The following AP5M1 variants were observed in gnomAD, a reference collection of about 807,000 sequenced individuals.
AP5M1 encodes adaptor related protein complex 5 subunit mu 1, also known as AP-5 complex subunit mu-1.
Under a neutral mutation model 52.3 loss-of-function variants are expected in AP5M1, and 44 were observed. The ratio of observed to expected loss-of-function variants is 0.84; its 90% CI spans 0.66 to 1.08. The LOEUF (loss-of-function observed/expected upper bound fraction) is 1.08. AP5M1 is among the 50% of genes least tolerant of loss of function. The pLI, the probability that AP5M1 is intolerant of heterozygous loss-of-function variation, is 0.00. For synonymous variants in AP5M1, 213 were observed against 199.0 expected (o/e 1.07, Z -0.59); for missense variants, 526 against 568.4 (o/e 0.93, Z 0.76).
At position 57,282,938 on chromosome 14, in the gene AP5M1, C is replaced by G. The variant is rs1463724867; in HGVS notation, c.1093C>G (p.Pro365Ala). ...EAHIPFYNRGPITHLEYKTSF... is the reference protein window; with the variant it reads ...EAHIPFYNRGAITHLEYKTSF... The stretch of plus-strand genomic sequence containing the variant: ...TTTATCCTTTTCTTTTTAAAGAGGT[C>G]CAATTACACATTTGGAATACAAAAC... The change falls in exon 5 of 8, where the codon CCA becomes GCA. Residue 365 changes from proline to alanine, a missense_variant. Around this residue, in one of 3 missense-constraint regions of AP5M1, gnomAD observed 425 missense variants for 430.6 expected, o/e 0.99. Coordinates refer to ENST00000261558, the MANE Select transcript of AP5M1 (RefSeq NM_018229.4). 1.3e-6 allele frequency: 2 copies of G among 1,575,356 alleles called. No individual in the cohort carries two copies. The highest frequency in any genetic ancestry group is 2.7e-5 in the African/African-American group (2 of 73,092).
At position 57,289,495 on chromosome 14, in the gene AP5M1, A is replaced by G. The variant is rs1885390650; in HGVS notation, c.*611A>G. ...CTTAATCAGAACTATCCTATTGACT[A>G]ATAAATAATCTGCATAATTCTACTT... On this transcript the variant is annotated 3_prime_UTR_variant, in exon 8 of 8. Transcript: ENST00000261558. 1 of 151,988 alleles carries G rather than the reference A, an allele frequency of 6.6e-6. No homozygotes were observed. The allele number at this position is 151,988 out of a possible 1,614,324, so 9.4% of individuals were successfully genotyped here.
At chr14:57,270,457 G>T (rs934242213) in intron 1 of AP5M1, among the ~76,000 whole-genome samples, 4 of 152,138 alleles carry the variant, frequency 2.6e-5, no homozygotes, top group Non-Finnish European at 5.9e-5. Flanking sequence ...AGAAAAAAAA[G>T]ATTTTAATTT....
intron 2 of AP5M1, chr14:57,275,374 C>G (rs1594699506): frequency 6.9e-6 from 1 of 144,296 alleles, no homozygotes; most frequent in South Asian, 2.1e-4. Flanking sequence ...TGACTGGCTT[C>G]CCTCAGACCA....
rs112591786 is a variant in AP5M1, at chr14:57,282,678, C to T, written c.1089-256C>T. Among the ~76,000 whole-genome samples, 3 of 152,118 alleles carry T rather than the reference C, an allele frequency of 2.0e-5. 1 individual carries two copies. Among genetic ancestry groups the T allele is most frequent in the Non-Finnish European group, 1.5e-5 (1 of 67,986 alleles). On this transcript the variant is annotated intron_variant, in intron 4 of 7. Transcript: ENST00000261558. ...TAGTCATTGTAGCAACCCATGTGAC[C>T]GTATTAATACATTTCGTATGATTTC... is the stretch of plus-strand genomic sequence containing the variant.
rs755344679 is a variant in AP5M1, at chr14:57,283,013, A to G, written c.1168A>G (p.Ile390Val). ...TCGAGAGAAAAGCTTATTGATCTGG[A>G]TTATTGGTGAGCAAGTTTTATTTAT... ...VFREKSLLIW[I>V]IGQKFPKSME... The change falls in exon 5 of 8, where the codon ATT (isoleucine) becomes GTT (valine). Residue 390 changes from isoleucine to valine, a missense_variant. Ile to Val is a conservative substitution (Grantham distance 29). Coordinates refer to ENST00000261558, the MANE Select transcript of AP5M1 (RefSeq NM_018229.4). The G allele has an allele frequency of 6.3e-7, 1 of 1,595,268 alleles. No homozygotes were observed. Among genetic ancestry groups the G allele is most frequent in the South Asian group, 1.1e-5 (1 of 87,346 alleles).
At chr14:57,282,621 G>T (rs927537391) in intron 4 of AP5M1, among the ~76,000 whole-genome samples, 6 of 151,928 alleles carry the variant, frequency 3.9e-5, no homozygotes, top group African/African-American at 1.5e-4. Context: ...ATAGTTTTTT[G>T]TCAAAATATA....
chr14:57,273,533 T>C (rs1175518944), intron 1 of AP5M1, among the ~76,000 whole-genome samples: 1 of 152,192 alleles, frequency 6.6e-6, no homozygotes, highest in East Asian at 1.9e-4. Flanking sequence ...TTTCTGTAAA[T>C]AAGCAAAAGC....
chr14:57,280,942 C>CT (rs1010054740), intron 3 of AP5M1, among the ~76,000 whole-genome samples: 49 of 150,480 alleles, frequency 3.3e-4, no homozygotes, highest in African/African-American at 1.2e-3. Flanking sequence ...AATAATTGAA[C>CT]TTTTTTTTTA....
intron 1 of AP5M1, chr14:57,273,809 T>G: frequency 1.4e-6 from 1 of 690,630 alleles, no homozygotes; most frequent in Non-Finnish European, 2.6e-6. Context: ...GAATCCAAAA[T>G]TATGGAGGGT....
rs527579123 is a variant in AP5M1, at chr14:57,281,042, C to T, written c.948+620C>T. On this transcript the variant is annotated intron_variant, in intron 3 of 7. Coordinates refer to ENST00000261558, the MANE Select transcript of AP5M1 (RefSeq NM_018229.4). Reference sequence around the variant, plus strand: ...ACCATGAACATAAAATACCCCTCATCGCAGGCAACCTGAATTACAAATATA... The same window carrying T: ...ACCATGAACATAAAATACCCCTCATTGCAGGCAACCTGAATTACAAATATA... 5.9e-5 allele frequency among the ~76,000 whole-genome samples: 9 copies of T among 152,004 alleles called. No individual in the cohort carries two copies. In the South Asian group the frequency reaches 1.5e-3, roughly 25 times the overall value.
chr14:57,273,886 A>G, intron 1 of AP5M1: 4 of 600,454 alleles, frequency 6.7e-6, no homozygotes, highest in South Asian at 4.3e-5. Flanking sequence ...AAAAATTCTT[A>G]TAGATGCCTA....
In AP5M1 at chr14:57,282,121, A is replaced by G; in HGVS notation, c.981A>G (p.Gln327=). ...VPVPPILGFY[Q]MKEEEVQLRI... ...TCCCACCAATTTTGGGTTTTTATCA[A>G]ATGAAGGAGGAAGAAGTACAACTAA... is the stretch of plus-strand genomic sequence containing the variant. The change falls in exon 4 of 8, where the codon CAA becomes CAG. Residue 327 remains glutamine (Q), a synonymous_variant. Transcript: ENST00000261558. 1.9e-6 allele frequency: 3 copies of G among 1,574,650 alleles called. No homozygotes were observed. The highest frequency in any genetic ancestry group is 2.6e-6 in the Non-Finnish European group (3 of 1,166,088).
rs1224481787 is a variant in AP5M1, at chr14:57,289,503, A to C, written c.*619A>C. Reference sequence around the variant, plus strand: ...GAACTATCCTATTGACTAATAAATAATCTGCATAATTCTACTTAAGGTGTG... The same window carrying C: ...GAACTATCCTATTGACTAATAAATACTCTGCATAATTCTACTTAAGGTGTG... On this transcript the variant is annotated 3_prime_UTR_variant, in exon 8 of 8. Transcript: ENST00000261558. The C allele has an allele frequency of 1.3e-5, 2 of 151,996 alleles. No homozygotes were observed. Among genetic ancestry groups the C allele is most frequent in the African/African-American group, 2.4e-5 (1 of 41,414 alleles). The allele number at this position is 151,996 out of a possible 1,614,324, so 9.4% of individuals were successfully genotyped here. A position where few individuals can be genotyped will look rare whatever the true frequency, so the allele number is the denominator to read the frequency against.
chr14:57,280,766 G>A (rs539888412), intron 3 of AP5M1, among the ~76,000 whole-genome samples: 5 of 151,706 alleles, frequency 3.3e-5, no homozygotes, highest in Admixed American at 1.3e-4. Context: ...CAGGAGAATC[G>A]CTTGAACCCA....
At chr14:57,274,930 A>G (rs1201941166) in intron 2 of AP5M1, 41 bp downstream of exon 2, 2 of 1,606,790 alleles carry the variant, frequency 1.2e-6, no homozygotes, top group African/African-American at 1.3e-5. Flanking sequence ...GTTTTATTTA[A>G]CATATGGAGA....
Position 57,291,466 on chromosome 14 carries a change from C to T in AP5M1, c.*2582C>T, listed in dbSNP as rs560178352. The T allele has an allele frequency of 2.0e-5, 3 of 151,762 alleles. No individual in the cohort carries two copies. The East Asian group carries it at 5.8e-4, about 29-fold the overall frequency. The allele number at this position is 151,762 out of a possible 1,614,324, so 9.4% of individuals were successfully genotyped here. A position where few individuals can be genotyped will look rare whatever the true frequency, so the allele number is the denominator to read the frequency against. On this transcript the variant is annotated 3_prime_UTR_variant, in exon 8 of 8. Transcript: ENST00000261558. ...CTTCTTTTCTCCATTTTTTACTAAA[C>T]AATATTTTAAAAACTTTTTAGAGCC...
At position 57,286,315 on chromosome 14, in the gene AP5M1, T is replaced by C; in HGVS notation, c.1386T>C (p.Ser462=). Residue 462 remains serine (S), a synonymous_variant, in exon 7 of 8, where the codon AGT becomes AGC. Transcript: ENST00000261558. ...TTGCATCAGGAAAACCAAAAATAAG[T>C]GCACGTAAGTTACACAGATTCAAAC... The part of the protein sequence containing the change: ...QVFASGKPKI[S]AHRKLISSDY... 6.3e-7 allele frequency: 1 copy of C among 1,593,662 alleles called. No individual in the cohort carries two copies. Among genetic ancestry groups the C allele is most frequent in the Admixed American group, 1.7e-5 (1 of 59,892 alleles).
intron 6 of AP5M1, among the ~76,000 whole-genome samples, 166 bp from the exon 7 acceptor site, chr14:57,286,057 G>GTA (rs1464622691): frequency 1.3e-5 from 2 of 152,068 alleles, no homozygotes; most frequent in Non-Finnish European, 2.9e-5. Context: ...GTGTGTTTTT[G>GTA]TATATATATG....
At chr14:57,276,786 G>A (rs1164180237) in intron 2 of AP5M1, among the ~76,000 whole-genome samples, 1 of 152,098 alleles carries the variant, frequency 6.6e-6, no homozygotes, top group Non-Finnish European at 1.5e-5. Context: ...TATCATGATG[G>A]ACAACTTCCT....
Sources: allele counts gnomAD v4.1 joint callset (sites outside exome capture counted in the v4.1 genomes callset), GRCh38; gene constraint gnomAD v4.1.1; regional missense constraint gnomAD v4.1.1; transcripts MANE v1.5; gene names NCBI Gene and HGNC (gene_info 2026-07-23, HGNC 2026-07-21).